Variants in SSU72 observed in about 807,000 individuals in gnomAD.
The protein encoded by SSU72 is SSU72 homolog, RNA polymerase II CTD phosphatase.
A neutral mutation model predicts 22.7 loss-of-function variants in SSU72; 12 were observed. That is an observed-to-expected ratio of 0.53 (90% CI 0.34 to 0.86). SSU72 has a LOEUF of 0.86. SSU72 is among the 40% of genes least tolerant of loss of function. The probability of loss-of-function intolerance (pLI) is 0.02; values close to 1 mark genes in which losing one functional copy is unlikely to be tolerated. For missense variants in SSU72, 151 were observed against 249.8 expected (o/e 0.60, Z 2.67); for synonymous variants, 116 against 98.3 (o/e 1.18, Z -1.06).
At position 1,569,825 on chromosome 1, in the gene SSU72, G is replaced by T. The variant is rs904114961; in HGVS notation, c.80+4653C>A. Among the ~76,000 whole-genome samples, 3 of 151,116 alleles carry T rather than the reference G, an allele frequency of 2.0e-5. No homozygotes were observed. In the Admixed American group the frequency reaches 2.0e-4, roughly 10 times the overall value. On this transcript the variant is annotated intron_variant, in intron 1 of 4. Coordinates refer to ENST00000291386, the MANE Select transcript of SSU72 (RefSeq NM_014188.3). ...GCCCAAAATTTTTAAAAGGGGCGAG[G>T]TTCACTGATCAGCTAGCTACTGTGC...
At chr1:1,552,724 C>T (rs1002139791) in intron 2 of SSU72, among the ~76,000 whole-genome samples, 2 of 152,106 alleles carry the variant, frequency 1.3e-5, no homozygotes, top group Non-Finnish European at 2.9e-5. Flanking sequence ...TCTCAGATAA[C>T]AAAAATGGTG....
At chr1:1,560,237 C>T (rs1407229822) in intron 2 of SSU72, among the ~76,000 whole-genome samples, 2 of 152,144 alleles carry the variant, frequency 1.3e-5, no homozygotes, top group Non-Finnish European at 2.9e-5. Flanking sequence ...CAGGCTGGAG[C>T]ACAATGGCGC....
chr1:1,543,732 C>T (rs890919472), intron 4 of SSU72, 137 bp downstream of exon 4: 2 of 608,206 alleles, frequency 3.3e-6, no homozygotes, highest in South Asian at 1.9e-5. Context: ...TCCCCTGTCA[C>T]GGCCTCGGCC....
chr1:1,572,323 G>T (rs959689778), intron 1 of SSU72, among the ~76,000 whole-genome samples: 2 of 144,616 alleles, frequency 1.4e-5, no homozygotes, highest in Admixed American at 1.4e-4. Flanking sequence ...AGCTACTCAG[G>T]AGGCTGAGGC....
chr1:1,542,084 G>A lies in SSU72; in HGVS notation c.567C>T (p.His189=), dbSNP rs758178241. The A allele has an allele frequency of 3.5e-5, 56 of 1,585,938 alleles. No homozygotes were observed. The highest frequency in any genetic ancestry group is 4.6e-5 in the Non-Finnish European group (54 of 1,166,276). The change falls in exon 5 of 5, where the codon CAC becomes CAT. Residue 189 remains histidine (H), a synonymous_variant. Transcript: ENST00000291386. The surrounding 1 kb of genome is among the most constrained non-coding windows in gnomAD (Gnocchi z 4.4). Reference sequence around the variant, plus strand: ...GCTGGGCTCAGTAGAAGCAGACGGTGTGCAGAAAGGTGCGGCCACTCTTCT... The same window carrying A: ...GCTGGGCTCAGTAGAAGCAGACGGTATGCAGAAAGGTGCGGCCACTCTTCT... The part of the protein sequence containing the change: ...FEEKSGRTFL[H]TVCFY
At chr1:1,568,321 C>T (rs1407589513) in intron 1 of SSU72, among the ~76,000 whole-genome samples, 1 of 152,172 alleles carries the variant, frequency 6.6e-6, no homozygotes. Flanking sequence ...TACCAAAAAT[C>T]TATCAGAGGG....
chr1:1,573,189 G>A (rs866603671), intron 1 of SSU72, among the ~76,000 whole-genome samples: 3 of 151,264 alleles, frequency 2.0e-5, no homozygotes, highest in Middle Eastern at 3.4e-3. Context: ...TTGGGAGGCC[G>A]AGCGGGCAGA....
rs190712253 is a variant in SSU72, at chr1:1,554,113, G to A, written c.225-9111C>T. Among the ~76,000 whole-genome samples, 366 of 152,332 alleles carry A rather than the reference G, an allele frequency of 2.4e-3. 1 individual carries two copies. Among genetic ancestry groups the A allele is most frequent in the African/African-American group, 8.3e-3 (344 of 41,578 alleles). Reference sequence around the variant, plus strand: ...GAAGTGCAGCTCCAGGGAGTGGAGCGGTTGTGAGATTCACCATCAGCAAAA... The same window carrying A: ...GAAGTGCAGCTCCAGGGAGTGGAGCAGTTGTGAGATTCACCATCAGCAAAA... On this transcript the variant is annotated intron_variant, in intron 2 of 4. Coordinates refer to ENST00000291386, the MANE Select transcript of SSU72 (RefSeq NM_014188.3). The surrounding 1 kb of genome is among the most constrained non-coding windows in gnomAD (Gnocchi z 4.1).
chr1:1,569,089 G>A (rs1176148155), intron 1 of SSU72, among the ~76,000 whole-genome samples: 1 of 151,932 alleles, frequency 6.6e-6, no homozygotes, highest in East Asian at 1.9e-4. Context: ...CAGGAGAATC[G>A]CTTGAACTCG....
chr1:1,574,610 G>GGC lies in SSU72; in HGVS notation c.-55_-54dup. 1.3e-6 allele frequency: 2 copies of GGC among 1,518,206 alleles called. No homozygotes were observed. Among genetic ancestry groups the GGC allele is most frequent in the Non-Finnish European group, 1.8e-6 (2 of 1,130,008 alleles). The allele number at this position is 1,518,206 out of a possible 1,614,324, so 94.0% of individuals were successfully genotyped here. ...CCCGCTTGGGTTCCCACCCTACCGC[G>GGC]GCGCTTCCGCGCGAACAAAATGGCG... is the stretch of plus-strand genomic sequence containing the variant. On this transcript the variant is annotated 5_prime_UTR_variant, in exon 1 of 5. Coordinates refer to ENST00000291386, the MANE Select transcript of SSU72 (RefSeq NM_014188.3).
At chr1:1,543,556 C>T (rs1405778684) in intron 4 of SSU72, among the ~76,000 whole-genome samples, 1 of 152,138 alleles carries the variant, frequency 6.6e-6, no homozygotes, top group Non-Finnish European at 1.5e-5. Context: ...GCTGAGCAGA[C>T]CTTGCCCCAA....
rs1642332867 is a variant in SSU72, at chr1:1,542,353, G to GC, written c.484-187dup. On this transcript the variant is annotated intron_variant, in intron 4 of 4. Transcript: ENST00000291386. The surrounding 1 kb of genome is among the most constrained non-coding windows in gnomAD (Gnocchi z 4.4). ...CTGCAGGGGGAGAGCGTCCCGGGCA[G>GC]CCCCCACCTCCCCACCGACCCTCAC... Among the ~76,000 whole-genome samples, 1 of 152,156 alleles carries GC rather than the reference G, an allele frequency of 6.6e-6. No homozygotes were observed.
At chr1:1,556,257 T>C (rs768862771) in intron 2 of SSU72, among the ~76,000 whole-genome samples, 7 of 152,128 alleles carry the variant, frequency 4.6e-5, no homozygotes, top group Non-Finnish European at 7.4e-5. Flanking sequence ...ACGGTGAAAC[T>C]CCATCTCTAT....
At chr1:1,552,978 G>A (rs1034984107) in intron 2 of SSU72, among the ~76,000 whole-genome samples, 3 of 143,332 alleles carry the variant, frequency 2.1e-5, no homozygotes, top group Non-Finnish European at 4.5e-5. Context: ...CCGAGATTGC[G>A]CCATTGCACT....
rs763889869 is a variant in SSU72, at chr1:1,542,803, T to C, written c.484-636A>G. On this transcript the variant is annotated intron_variant, in intron 4 of 4. Coordinates refer to ENST00000291386, the MANE Select transcript of SSU72 (RefSeq NM_014188.3). The surrounding 1 kb of genome is among the most constrained non-coding windows in gnomAD (Gnocchi z 4.4). ...TAACTTCTGGGACGACATTTTCTTA[T>C]GACCTTTTCTCCTGCCAGGCGATCA... Among the ~76,000 whole-genome samples the C allele has an allele frequency of 3.9e-5, 6 of 152,114 alleles. No individual in the cohort carries two copies. The highest frequency in any genetic ancestry group is 5.9e-5 in the Non-Finnish European group (4 of 68,018).
Position 1,564,978 on chromosome 1 carries a change from G to A in SSU72, c.81-62C>T, listed in dbSNP as rs1423613419. 3.9e-6 allele frequency: 6 copies of A among 1,529,138 alleles called. No homozygotes were observed. The East Asian group carries it at 9.0e-5, about 23-fold the overall frequency. 94.7% of individuals were successfully genotyped at this position (1,529,138 alleles called of 1,614,324 possible). On this transcript the variant is annotated intron_variant, in intron 1 of 4. Transcript: ENST00000291386. Reference sequence around the variant, plus strand: ...CTAAGACACAAAATTCCAAAAGCAAGGGACAGCAAATGGGATAGAAACAAA... The same window carrying A: ...CTAAGACACAAAATTCCAAAAGCAAAGGACAGCAAATGGGATAGAAACAAA...
intron 2 of SSU72, chr1:1,564,348 A>C: frequency 2.2e-6 from 2 of 916,592 alleles, no homozygotes; most frequent in Non-Finnish European, 3.1e-6. Flanking sequence ...TAACGACCTC[A>C]CCAGATGTGT....
chr1:1,543,763 C>T (rs1192676002), intron 4 of SSU72, 106 bp downstream of exon 4: 13 of 841,396 alleles, frequency 1.5e-5, no homozygotes, highest in South Asian at 4.7e-5. Context: ...GTCACGGCCT[C>T]GGCCACCCCC....
At chr1:1,570,494 G>A (rs1276901435) in intron 1 of SSU72, among the ~76,000 whole-genome samples, 3 of 151,500 alleles carry the variant, frequency 2.0e-5, no homozygotes, top group South Asian at 4.2e-4. Context: ...ATGCAAGATG[G>A]ACACAAGCCA....
Sources: allele counts gnomAD v4.1 joint callset (sites outside exome capture counted in the v4.1 genomes callset), GRCh38; gene constraint gnomAD v4.1.1; non-coding constraint Gnocchi (gnomAD v3.1); transcripts MANE v1.5; gene names NCBI Gene and HGNC (gene_info 2026-07-23, HGNC 2026-07-21).